The following ANXA11 variants were observed in gnomAD, a reference collection of about 807,000 sequenced individuals.
ANXA11 encodes the protein annexin A11, also known as 56 kDa autoantigen.
Under a neutral mutation model 64.7 loss-of-function variants are expected in ANXA11, and 57 were observed. The ratio of observed to expected loss-of-function variants is 0.88; its 90% CI spans 0.71 to 1.10. The LOEUF (loss-of-function observed/expected upper bound fraction) is 1.10. Ranked by LOEUF, ANXA11 falls within the 50% of genes least tolerant of loss-of-function variation. The pLI, the probability that ANXA11 is intolerant of heterozygous loss-of-function variation, is 0.00. For synonymous variants in ANXA11, 260 were observed against 265.2 expected (o/e 0.98, Z 0.19); for missense variants, 675 against 670.7 (o/e 1.01, Z -0.07).
chr10:80,171,379 G>T, intron 3 of ANXA11: 2 of 494,838 alleles, frequency 4.0e-6, no homozygotes, highest in Non-Finnish European at 5.4e-6. Context: ...GTAAAAGGCA[G>T]GGAGAAGCAG....
At position 80,184,263 on chromosome 10, in the gene ANXA11, ATG is replaced by A. The variant is rs1383488424; in HGVS notation, c.-57-8110_-57-8109del. On this transcript the variant is annotated intron_variant, in intron 1 of 15. Transcript: ENST00000422982. ...AATACATACAGATGCTCCTTGACTT[ATG>A]ATAGGGTTACATCCAAATAAAGCCA... Among the ~76,000 whole-genome samples the A allele has an allele frequency of 3.3e-5, 5 of 152,198 alleles. No homozygotes were observed. The East Asian group carries it at 9.6e-4, about 29-fold the overall frequency.
rs1239787443 is a variant in ANXA11, at chr10:80,169,019, G to A, written c.511C>T (p.Pro171Ser). Residue 171 changes from proline (P) to serine (S), a missense_variant, in exon 5 of 16, where the codon CCA becomes TCA. By Grantham distance (74) the Pro-to-Ser change is moderately conservative. Transcript: ENST00000422982. ...ACAGTCCCAGACCCCGGGTATCCTG[G>A]GTAGCTCGGCACTGGCTGCTGCTGC... ...PGQQQPVPSY[P>S]GYPGSGTVTP... 16 of 1,547,362 alleles carry A rather than the reference G, an allele frequency of 1.0e-5. No homozygotes were observed. The South Asian group carries it at 1.3e-4, about 12-fold the overall frequency.
intron 1 of ANXA11, among the ~76,000 whole-genome samples, chr10:80,193,018 G>A (rs1001737720): frequency 6.6e-6 from 1 of 152,180 alleles, no homozygotes; most frequent in Non-Finnish European, 1.5e-5. Flanking sequence ...ACAGAAGACT[G>A]TAAAAAGAAG....
At chr10:80,163,272 G>C in intron 11 of ANXA11, 77 bp downstream of exon 11, 1 of 1,538,732 alleles carries the variant, frequency 6.5e-7, no homozygotes, top group Non-Finnish European at 8.9e-7. Flanking sequence ...TCCACCCTAG[G>C]GTACCTCTCT....
intron 6 of ANXA11, 47 bp from the exon 7 acceptor site, chr10:80,167,031 G>A: frequency 6.9e-7 from 1 of 1,455,130 alleles, no homozygotes; most frequent in Non-Finnish European, 9.4e-7. Flanking sequence ...GTCATGAGAT[G>A]CTCTGCAGCT....
intron 5 of ANXA11, 123 bp from the exon 6 acceptor site, chr10:80,167,436 C>T (rs1201374446): frequency 1.3e-6 from 1 of 790,684 alleles, no homozygotes; most frequent in African/African-American, 1.7e-5. Flanking sequence ...CTAAAGGAGT[C>T]CACAGTCAAC....
At position 80,158,006 on chromosome 10, in the gene ANXA11, G is replaced by C. The variant is rs750982225; in HGVS notation, c.1296C>G (p.Thr432=). The part of the protein sequence containing the change: ...MLAVVKCLKN[T]PAFFAERLNK... ...TGAGCCTCTCCGCAAAGAAGGCTGGGGTATTCTTGAGACATTTCACTAGAA... is the reference window on the plus strand; with the variant it reads ...TGAGCCTCTCCGCAAAGAAGGCTGGCGTATTCTTGAGACATTTCACTAGAA... Residue 432 remains threonine, a synonymous_variant, in exon 14 of 16, where the codon ACC becomes ACG. Transcript: ENST00000422982. The C allele has an allele frequency of 1.9e-6, 3 of 1,614,034 alleles. No individual in the cohort carries two copies. The highest frequency in any genetic ancestry group is 2.5e-6 in the Non-Finnish European group (3 of 1,179,976).
chr10:80,178,200 C>A (rs1025270303), intron 1 of ANXA11, among the ~76,000 whole-genome samples: 4 of 146,222 alleles, frequency 2.7e-5, no homozygotes, highest in African/African-American at 1.0e-4. Context: ...AGCTATAATC[C>A]AGAAGATCTG....
Position 80,167,216 on chromosome 10 carries a change from G to A in ANXA11, c.649+10C>T. ...AGGGAGTAGGATTTGAGCCACCCAGGGTCTCTTACCGAAGCCTTTCATGGC... is the reference window on the plus strand; with the variant it reads ...AGGGAGTAGGATTTGAGCCACCCAGAGTCTCTTACCGAAGCCTTTCATGGC... On this transcript the variant is annotated intron_variant, in intron 6 of 15. Transcript: ENST00000422982. The A allele has an allele frequency of 6.2e-7, 1 of 1,613,208 alleles. No individual in the cohort carries two copies. Among genetic ancestry groups the A allele is most frequent in the Non-Finnish European group, 8.5e-7 (1 of 1,179,538 alleles).
intron 4 of ANXA11, 57 bp downstream of exon 4, chr10:80,170,743 T>A (rs1845936425): frequency 1.4e-5 from 19 of 1,348,206 alleles, no homozygotes; most frequent in Non-Finnish European, 1.9e-5. Flanking sequence ...CAGCTTTGAT[T>A]CCTCTGGCCA....
At chr10:80,190,757 T>C (rs1405654736) in intron 1 of ANXA11, among the ~76,000 whole-genome samples, 4 of 143,286 alleles carry the variant, frequency 2.8e-5, no homozygotes, top group African/African-American at 1.0e-4. Flanking sequence ...AGTGCTGGGG[T>C]TACAGGCGTG....
chr10:80,190,483 A>ATT (rs1225312907), intron 1 of ANXA11, among the ~76,000 whole-genome samples: 4 of 110,052 alleles, frequency 3.6e-5, no homozygotes, highest in African/African-American at 4.2e-5. Flanking sequence ...ATTTACAATA[A>ATT]ATTTTTTTTT....
chr10:80,192,287 C>T (rs569699259), intron 1 of ANXA11, among the ~76,000 whole-genome samples: 180 of 152,302 alleles, frequency 1.2e-3, no homozygotes, highest in Admixed American at 2.5e-3. Flanking sequence ...CTGTACATTT[C>T]ACCTATGCAC....
At chr10:80,167,635 G>A (rs1053035808) in intron 5 of ANXA11, among the ~76,000 whole-genome samples, 7 of 152,150 alleles carry the variant, frequency 4.6e-5, no homozygotes, top group South Asian at 2.1e-4. Flanking sequence ...GGCAGGTCTC[G>A]GGAGCAGGGG....
chr10:80,157,296 A>T, intron 15 of ANXA11: 2 of 985,448 alleles, frequency 2.0e-6, no homozygotes, highest in Non-Finnish European at 2.4e-6. Flanking sequence ...TCAGGGAGTG[A>T]CAGCAGAGCT....
In ANXA11 at chr10:80,151,818, C is replaced by G. The variant is rs971427503; in HGVS notation, c.*4035G>C. 2.0e-5 allele frequency: 3 copies of G among 152,144 alleles called. No homozygotes were observed. Among genetic ancestry groups the G allele is most frequent in the African/African-American group, 7.2e-5 (3 of 41,432 alleles). 9.4% of individuals were successfully genotyped at this position (152,144 alleles called of 1,614,324 possible). A position where few individuals can be genotyped will look rare whatever the true frequency, so the allele number is the denominator to read the frequency against. ...GTGAGCACAGTAGTATTTAGATAAG[C>G]GTTAGATTACAGCAGGTTACAGATG... On this transcript the variant is annotated 3_prime_UTR_variant, in exon 16 of 16. Transcript: ENST00000422982.
chr10:80,198,981 A>G (rs988610716), intron 1 of ANXA11, among the ~76,000 whole-genome samples: 1 of 152,164 alleles, frequency 6.6e-6, no homozygotes, highest in Non-Finnish European at 1.5e-5. Flanking sequence ...GAAACCATGC[A>G]ATTAGGTTTG....
intron 2 of ANXA11, among the ~76,000 whole-genome samples, chr10:80,175,438 C>T (rs1057452273): frequency 6.6e-6 from 1 of 152,110 alleles, no homozygotes; most frequent in Non-Finnish European, 1.5e-5. Context: ...CCATCCACAG[C>T]CAGGCCAGGG....
intron 1 of ANXA11, among the ~76,000 whole-genome samples, chr10:80,201,366 G>A (rs1161969919): frequency 1.3e-5 from 2 of 152,098 alleles, no homozygotes; most frequent in African/African-American, 2.4e-5. Context: ...TGTTCGAGGT[G>A]AGTTCTTCAA....
Sources: gnomAD v4.1 joint callset for allele counts (sites outside exome capture counted in the v4.1 genomes callset) on GRCh38, gnomAD v4.1.1 for gene constraint, MANE v1.5 for transcripts, NCBI Gene and HGNC (gene_info 2026-07-23, HGNC 2026-07-21) for gene names.